Variants in ANTXR2 observed in about 807,000 individuals in gnomAD.
The protein encoded by ANTXR2 is anthrax toxin receptor 2.
Under a neutral mutation model 73.7 loss-of-function variants are expected in ANTXR2, and 44 were observed. The ratio of observed to expected loss-of-function variants is 0.60; its 90% CI spans 0.47 to 0.77. The LOEUF is 0.77. Among genes scored for constraint, ANTXR2 ranks in the 30% least tolerant of loss-of-function variants. The pLI is 0.00. For synonymous variants in ANTXR2, 217 were observed against 205.9 expected, an observed-to-expected ratio of 1.05 and a Z score of -0.46; for missense variants, 604 against 592.5, an observed-to-expected ratio of 1.02 and a Z score of -0.20.
At chr4:80,071,848 CA>C (rs573569541) in intron 1 of ANTXR2, among the ~76,000 whole-genome samples, 194 bp from the exon 2 acceptor site, 119 of 142,484 alleles carry the variant, frequency 8.4e-4, no homozygotes, top group Admixed American at 8.4e-4. Flanking sequence ...AAGACTCCGT[CA>C]AAAAAAAAAA....
rs1317663440 is a variant in ANTXR2, at chr4:79,998,722, T to C, written c.1041+9799A>G. 2.0e-5 allele frequency among the ~76,000 whole-genome samples: 3 copies of C among 152,094 alleles called. No individual in the cohort carries two copies. In the East Asian group the frequency reaches 5.8e-4, roughly 29 times the overall value. On this transcript the variant is annotated intron_variant, in intron 12 of 16. Transcript: ENST00000403729. ...GTTAAAGAAAGGCAGTTATAGAGGA[T>C]GGATATGAGGAAGGATACTCAATGA...
intron 10 of ANTXR2, among the ~76,000 whole-genome samples, chr4:80,024,423 T>C (rs1198473892): frequency 2.0e-5 from 3 of 152,128 alleles, no homozygotes; most frequent in Non-Finnish European, 2.9e-5. Flanking sequence ...AAGGGAGCCA[T>C]AGAAAGGGTG....
At chr4:80,008,912 A>T (rs73829338) in intron 11 of ANTXR2, among the ~76,000 whole-genome samples, 13,908 of 152,254 alleles carry the variant, frequency 0.091, 736 homozygotes, top group Middle Eastern at 0.23. Context: ...ACTAATCAGG[A>T]TTAGACTGGT....
intron 11 of ANTXR2, among the ~76,000 whole-genome samples, chr4:80,010,622 G>A (rs1731524805): frequency 6.6e-6 from 1 of 152,140 alleles, no homozygotes; most frequent in South Asian, 2.1e-4. Context: ...TAAAAATTTA[G>A]TGGTTAGTTT....
chr4:79,993,760 G>GCACACACACACACACACA (rs1553931141), intron 12 of ANTXR2, among the ~76,000 whole-genome samples: 43 of 140,652 alleles, frequency 3.1e-4, no homozygotes, highest in African/African-American at 1.0e-3. Flanking sequence ...ACACACACAC[G>GCACACACACACACACACA]CACACACACA....
intron 10 of ANTXR2, among the ~76,000 whole-genome samples, chr4:80,029,919 T>C (rs1025458305): frequency 9.9e-5 from 15 of 151,890 alleles, no homozygotes; most frequent in African/African-American, 3.6e-4. Context: ...GGCCAGACCC[T>C]GTAGAACCTG....
chr4:80,057,490 TAA>T (rs1488405491), intron 3 of ANTXR2, among the ~76,000 whole-genome samples: 1 of 151,976 alleles, frequency 6.6e-6, no homozygotes, highest in African/African-American at 2.4e-5. Flanking sequence ...TTCCATCTCA[TAA>T]AGTTTCCAGG....
intron 13 of ANTXR2, among the ~76,000 whole-genome samples, 174 bp from the exon 14 acceptor site, chr4:79,984,144 A>G (rs138953446): frequency 4.5e-4 from 69 of 152,326 alleles, no homozygotes; most frequent in Non-Finnish European, 4.9e-4. Flanking sequence ...GTGGAGTTCT[A>G]CAGGATATGA....
chr4:80,036,611 G>A lies in ANTXR2; in HGVS notation c.637-579C>T, dbSNP rs529892578. On this transcript the variant is annotated intron_variant, in intron 7 of 16. Transcript: ENST00000403729. ...GGGTCAGGAGTTCAAGACCAGCCTG[G>A]CCAACATAGTGAATCCTGTCTCTAC... Among the ~76,000 whole-genome samples, 7 of 152,022 alleles carry A rather than the reference G, an allele frequency of 4.6e-5. No homozygotes were observed. The South Asian group carries it at 1.2e-3, about 27-fold the overall frequency.
chr4:80,021,000 T>G (rs1368232052), intron 10 of ANTXR2, among the ~76,000 whole-genome samples: 1 of 151,668 alleles, frequency 6.6e-6, no homozygotes, highest in South Asian at 2.1e-4. Context: ...TACAAAAAAA[T>G]TAGCCGGGCA....
intron 16 of ANTXR2, among the ~76,000 whole-genome samples, chr4:79,950,575 G>A (rs1046986373): frequency 2.0e-5 from 3 of 152,016 alleles, no homozygotes; most frequent in African/African-American, 7.2e-5. Flanking sequence ...AAATGGCAAA[G>A]AATTGGAAAA....
chr4:79,953,484 G>A (rs1417381183), intron 16 of ANTXR2, among the ~76,000 whole-genome samples: 1 of 152,060 alleles, frequency 6.6e-6, no homozygotes, highest in African/African-American at 2.4e-5. Context: ...TTATGACTGT[G>A]CCAACAGTAT....
rs312262690 is a variant in ANTXR2, at chr4:79,984,831, A to AG, written c.1073dup (p.Ala359CysfsTer13). The AG allele has an allele frequency of 1.3e-4, 202 of 1,605,890 alleles. No homozygotes were observed. The highest frequency in any genetic ancestry group is 2.5e-4 in the East Asian group (11 of 44,752). ...GGCACTCACTTACCTCTTTTGGTGCAGGGGCGGGTGGTGGTGGAGGATCCT... is the reference window on the plus strand; with the variant it reads ...GGCACTCACTTACCTCTTTTGGTGCAGGGGGCGGGTGGTGGTGGAGGATCCT... On this transcript the variant is annotated frameshift_variant, in exon 13 of 17. Transcript: ENST00000403729. LOFTEE classifies it high-confidence loss of function.
intron 3 of ANTXR2, among the ~76,000 whole-genome samples, chr4:80,067,883 T>C (rs1734582469): frequency 6.6e-6 from 1 of 152,190 alleles, no homozygotes; most frequent in Non-Finnish European, 1.5e-5. Context: ...GATAGATAGC[T>C]AATGCATGTG....
At chr4:79,987,945 G>T (rs941831851) in intron 12 of ANTXR2, among the ~76,000 whole-genome samples, 1 of 151,988 alleles carries the variant, frequency 6.6e-6, no homozygotes. Flanking sequence ...TATCAGTTAT[G>T]TTTACAAGAG....
chr4:79,908,642 A>T (rs1398998031), intron 16 of ANTXR2, among the ~76,000 whole-genome samples: 1 of 152,186 alleles, frequency 6.6e-6, no homozygotes, highest in African/African-American at 2.4e-5. Flanking sequence ...AAGCAACATT[A>T]TTACTACAAT....
intron 10 of ANTXR2, among the ~76,000 whole-genome samples, chr4:80,027,296 T>C (rs1360631508): frequency 6.6e-6 from 1 of 151,896 alleles, no homozygotes; most frequent in Non-Finnish European, 1.5e-5. Context: ...ATTTATCTAA[T>C]CAAGAAAGAG....
chr4:79,979,223 T>C lies in ANTXR2; in HGVS notation c.1180-1049A>G, dbSNP rs368617311. Among the ~76,000 whole-genome samples, 58 of 152,234 alleles carry C rather than the reference T, an allele frequency of 3.8e-4. No individual in the cohort carries two copies. In the East Asian group the frequency reaches 8.9e-3, roughly 23 times the overall value. On this transcript the variant is annotated intron_variant, in intron 14 of 16. Transcript: ENST00000403729. ...AGCTAAATTTGAGTCAAACTGGGCATGTAAAAATAGGATGCAGCCCCTGGA... is the reference window on the plus strand; with the variant it reads ...AGCTAAATTTGAGTCAAACTGGGCACGTAAAAATAGGATGCAGCCCCTGGA...
At chr4:80,019,003 T>C in intron 10 of ANTXR2, 27 bp from the exon 11 acceptor site, 1 of 1,392,580 alleles carries the variant, frequency 7.2e-7, no homozygotes, top group Non-Finnish European at 9.5e-7. Flanking sequence ...ACAATAATTT[T>C]ATATACATTT....
Sources: allele counts gnomAD v4.1 joint callset (sites outside exome capture counted in the v4.1 genomes callset), GRCh38; gene constraint gnomAD v4.1.1; transcripts MANE v1.5; gene names NCBI Gene and HGNC (gene_info 2026-07-23, HGNC 2026-07-21).